BEND6: variants seen among roughly 807,000 people sequenced by gnomAD.
The protein encoded by BEND6 is BEN domain-containing protein 6.
Under a neutral mutation model 31.8 loss-of-function variants are expected in BEND6, and 24 were observed. The ratio of observed to expected loss-of-function variants is 0.75; its 90% confidence interval spans 0.55 to 1.06. The LOEUF (loss-of-function observed/expected upper bound fraction) is 1.06. Among genes scored for constraint, BEND6 ranks in the 50% least tolerant of loss-of-function variants. BEND6 has a pLI of 0.00. For missense variants in BEND6, 294 were observed against 327.4 expected (o/e 0.90, Z 0.79); for synonymous variants, 109 against 114.6 (o/e 0.95, Z 0.31).
At chr6:56,974,201 A>G (rs1414265437) in intron 1 of BEND6, among the ~76,000 whole-genome samples, 2 of 152,220 alleles carry the variant, frequency 1.3e-5, no homozygotes, top group Non-Finnish European at 2.9e-5. Context: ...ATGTGCGGTA[A>G]TGTAAGTCAA....
At position 57,012,210 on chromosome 6, in the gene BEND6, A is replaced by G. The variant is rs139546916; in HGVS notation, c.299-2923A>G. 2.8e-4 allele frequency among the ~76,000 whole-genome samples: 42 copies of G among 152,370 alleles called. No individual in the cohort carries two copies. The East Asian group carries it at 7.5e-3, about 27-fold the overall frequency. On this transcript the variant is annotated intron_variant, in intron 3 of 6. Transcript: ENST00000370746. ...AGCCCATCGACAGGTGAATGGATAC[A>G]TTAATTATAAAGTAATGAAATGTTA...
intron 1 of BEND6, among the ~76,000 whole-genome samples, chr6:56,957,588 A>T (rs1047513258): frequency 5.9e-5 from 9 of 152,176 alleles, no homozygotes; most frequent in Admixed American, 5.9e-4. Context: ...TTTTTGCTTT[A>T]AAAAAAGAAT....
rs1592998800 is a variant in BEND6 at position 56,992,362 on chromosome 6, C to T, written c.121-16C>T. On this transcript the variant is annotated splice_polypyrimidine_tract_variant and intron_variant, in intron 2 of 6. Coordinates refer to ENST00000370746, the MANE Select transcript of BEND6 (RefSeq NM_152731.3). ...TGCTATGAGGCTTCTTTTATTGTGC[C>T]TGCCTTCTATTTTAGAGAGACCCAT... 1.3e-6 allele frequency: 2 copies of T among 1,582,336 alleles called. No individual in the cohort carries two copies.
chr6:56,989,987 C>A (rs1826431590), intron 2 of BEND6, among the ~76,000 whole-genome samples: 1 of 152,120 alleles, frequency 6.6e-6, no homozygotes, highest in Admixed American at 6.6e-5. Context: ...GTTCAAAATA[C>A]CTGCACTTAC....
chr6:56,999,528 G>T (rs781713992), intron 3 of BEND6, among the ~76,000 whole-genome samples: 2 of 152,192 alleles, frequency 1.3e-5, no homozygotes, highest in Non-Finnish European at 2.9e-5. Context: ...CCACAACTAG[G>T]CACACCTCTG....
Position 56,960,686 on chromosome 6 carries a change from TAGG to T in BEND6, c.-101+5229_-101+5231del, listed in dbSNP as rs1825258290. Among the ~76,000 whole-genome samples, 8 of 152,310 alleles carry T rather than the reference TAGG, an allele frequency of 5.3e-5. No individual in the cohort carries two copies. The South Asian group carries it at 1.7e-3, about 32-fold the overall frequency. On this transcript the variant is annotated intron_variant, in intron 1 of 6. Transcript: ENST00000370746. ...TCATAGCCTGAAAAAATATTGTCAC[TAGG>T]AGAGCAGAAGTACTAAATGTACCAA...
chr6:57,016,296 A>G (rs1827557440), intron 4 of BEND6, among the ~76,000 whole-genome samples: 1 of 152,240 alleles, frequency 6.6e-6, no homozygotes, highest in Non-Finnish European at 1.5e-5. Context: ...ATCTTAGTGT[A>G]TCAGTTACCT....
At chr6:56,972,731 A>T (rs1226787634) in intron 1 of BEND6, among the ~76,000 whole-genome samples, 1 of 152,212 alleles carries the variant, frequency 6.6e-6, no homozygotes, top group Non-Finnish European at 1.5e-5. Flanking sequence ...GAAATGTATT[A>T]GTAAGCTCAG....
rs762346302 is a variant in BEND6 at position 56,968,758 on chromosome 6, C to T, written c.-100-12953C>T. Among the ~76,000 whole-genome samples, 122 of 151,968 alleles carry T rather than the reference C, an allele frequency of 8.0e-4. 3 individuals carry two copies. The highest frequency in any genetic ancestry group is 2.8e-4 in the Non-Finnish European group (19 of 67,992). On this transcript the variant is annotated intron_variant, in intron 1 of 6. Coordinates refer to ENST00000370746, the MANE Select transcript of BEND6 (RefSeq NM_152731.3). ...TGATATTGCCAGAACAACTTGGAAA[C>T]TGAAAATATTTATGTCATTTGAAAA...
intron 1 of BEND6, among the ~76,000 whole-genome samples, chr6:56,970,135 T>C (rs1825639474): frequency 6.6e-6 from 1 of 152,206 alleles, no homozygotes; most frequent in Non-Finnish European, 1.5e-5. Context: ...AAATGTATTT[T>C]TTACTGTAAC....
Position 57,008,429 on chromosome 6 carries a change from G to A in BEND6, c.299-6704G>A. 7.0e-6 allele frequency: 4 copies of A among 575,494 alleles called. 1 individual carries two copies. Among genetic ancestry groups the A allele is most frequent in the South Asian group, 6.8e-5 (3 of 44,396 alleles). 35.6% of individuals were successfully genotyped at this position (575,494 alleles called of 1,614,324 possible). On this transcript the variant is annotated intron_variant, in intron 3 of 6. Coordinates refer to ENST00000370746, the MANE Select transcript of BEND6 (RefSeq NM_152731.3). ...TTGCTCAATGTCAAGGCAGTGCTGTGGAAATCTGTCTGTGTAACTGGAGTG... is the reference window on the plus strand; with the variant it reads ...TTGCTCAATGTCAAGGCAGTGCTGTAGAAATCTGTCTGTGTAACTGGAGTG...
chr6:56,981,697 T>A lies in BEND6; in HGVS notation c.-100-14T>A. The A allele has an allele frequency of 8.1e-7, 1 of 1,242,146 alleles. No homozygotes were observed. Among genetic ancestry groups the A allele is most frequent in the Non-Finnish European group, 1.1e-6 (1 of 887,162 alleles). The allele number at this position is 1,242,146 out of a possible 1,614,324, so 76.9% of individuals were successfully genotyped here. ...GAATATGTTATGTGTCATGTTTTTG[T>A]TTTTGTTTTTAAGGGAAAGCATTAA... is the stretch of plus-strand genomic sequence containing the variant. On this transcript the variant is annotated splice_polypyrimidine_tract_variant and intron_variant, in intron 1 of 6. Transcript: ENST00000370746.
At chr6:56,973,403 C>T (rs1245136024) in intron 1 of BEND6, among the ~76,000 whole-genome samples, 1 of 152,142 alleles carries the variant, frequency 6.6e-6, no homozygotes, top group Non-Finnish European at 1.5e-5. Flanking sequence ...CAGTGGATGC[C>T]TGAAACAGTG....
chr6:57,018,401 T>C lies in BEND6; in HGVS notation c.713-20T>C. ...AAGCACTCATGAAGTTTCTCATGTGTCGCTATTGGTTTTTTACAGGAGTAA... is the reference window on the plus strand; with the variant it reads ...AAGCACTCATGAAGTTTCTCATGTGCCGCTATTGGTTTTTTACAGGAGTAA... On this transcript the variant is annotated intron_variant, in intron 5 of 6. Transcript: ENST00000370746. The C allele has an allele frequency of 6.3e-7, 1 of 1,577,370 alleles. No homozygotes were observed. The highest frequency in any genetic ancestry group is 1.2e-5 in the South Asian group (1 of 83,066).
chr6:56,989,626 C>G (rs570406434), intron 2 of BEND6, among the ~76,000 whole-genome samples: 2 of 152,260 alleles, frequency 1.3e-5, no homozygotes, highest in Non-Finnish European at 2.9e-5. Context: ...TTTGTCAAGC[C>G]CATTCATATT....
chr6:57,021,664 A>G (rs1332174111), intron 6 of BEND6, among the ~76,000 whole-genome samples: 4 of 152,152 alleles, frequency 2.6e-5, no homozygotes, highest in African/African-American at 9.7e-5. Context: ...AGAAAAATGT[A>G]TTTATAAGAT....
At chr6:56,975,165 G>C (rs1389797779) in intron 1 of BEND6, among the ~76,000 whole-genome samples, 1 of 151,950 alleles carries the variant, frequency 6.6e-6, no homozygotes, top group African/African-American at 2.4e-5. Context: ...AAGCACCTTA[G>C]GTAAAGCTGA....
At chr6:56,959,820 A>G (rs915155602) in intron 1 of BEND6, among the ~76,000 whole-genome samples, 11 of 152,336 alleles carry the variant, frequency 7.2e-5, no homozygotes, top group East Asian at 1.9e-4. Flanking sequence ...AAATATTGCA[A>G]ATGGAATTAT....
At chr6:56,977,844 C>G (rs573226672) in intron 1 of BEND6, among the ~76,000 whole-genome samples, 4 of 152,260 alleles carry the variant, frequency 2.6e-5, no homozygotes, top group South Asian at 4.1e-4. Flanking sequence ...GTAGTCCCAG[C>G]TATTAGGGAA....
Sources: gnomAD v4.1 joint callset for allele counts (sites outside exome capture counted in the v4.1 genomes callset) on GRCh38, gnomAD v4.1.1 for gene constraint, MANE v1.5 for transcripts, NCBI Gene and HGNC (gene_info 2026-07-23, HGNC 2026-07-21) for gene names.